The following ZNF346 variants were observed in gnomAD, a reference collection of about 807,000 sequenced individuals.
The protein encoded by ZNF346 is zinc finger protein 346.
Under a neutral mutation model 33.7 loss-of-function variants are expected in ZNF346, and 23 were observed. The ratio of observed to expected loss-of-function variants is 0.68; its 90% CI spans 0.49 to 0.97. The LOEUF (loss-of-function observed/expected upper bound fraction) is 0.97, where lower values mean the gene tolerates loss of function less well. Among genes scored for constraint, ZNF346 ranks in the 50% least tolerant of loss-of-function variants. ZNF346 has a pLI of 0.00. For missense variants in ZNF346, 340 were observed against 371.1 expected, an observed-to-expected ratio of 0.92 and a Z score of 0.69; for synonymous variants, 134 against 142.4, an observed-to-expected ratio of 0.94 and a Z score of 0.42.
intron 5 of ZNF346, among the ~76,000 whole-genome samples, chr5:177,056,089 A>AAAG (rs1179509006): frequency 6.6e-6 from 1 of 151,414 alleles, no homozygotes; most frequent in Non-Finnish European, 1.5e-5. Flanking sequence ...AAAAAAAAAA[A>AAAG]AAAAAGTTAG....
downstream of ZNF346, among the ~76,000 whole-genome samples, chr5:177,070,770 C>G (rs1783462833): frequency 6.6e-6 from 1 of 151,992 alleles, no homozygotes; most frequent in Non-Finnish European, 1.5e-5. Context: ...ATTCAGTAAT[C>G]CGGTCTGACT....
At chr5:177,036,705 A>G (rs1778566312) in intron 1 of ZNF346, among the ~76,000 whole-genome samples, 1 of 152,156 alleles carries the variant, frequency 6.6e-6, no homozygotes, top group Non-Finnish European at 1.5e-5. Context: ...CTTGGAGATC[A>G]TCATTTCCAT....
At chr5:177,029,631 A>T (rs1287857658) in intron 1 of ZNF346, among the ~76,000 whole-genome samples, 6 of 152,234 alleles carry the variant, frequency 3.9e-5, no homozygotes, top group Non-Finnish European at 8.8e-5. Flanking sequence ...AATGAAAAGA[A>T]GTAAAGTATA....
intron 1 of ZNF346, among the ~76,000 whole-genome samples, chr5:177,028,732 T>A (rs1415980802): frequency 1.8e-4 from 22 of 119,030 alleles, no homozygotes; most frequent in South Asian, 8.6e-4. Flanking sequence ...TTTTTTTTTT[T>A]TTTATGAGAT....
Position 177,028,711 on chromosome 5 carries a change from T to TC in ZNF346, c.175+5798_175+5799insC, listed in dbSNP as rs1299200021. Reference sequence around the variant, plus strand: ...TTATTTATAACAAGCCCCTTTCTTTTTTTTTTTTTTTTTTTTTTTTTTTTA... The same window carrying TC: ...TTATTTATAACAAGCCCCTTTCTTTTCTTTTTTTTTTTTTTTTTTTTTTTTA... On this transcript the variant is annotated intron_variant, in intron 1 of 6. Transcript: ENST00000358149. 4.6e-4 allele frequency among the ~76,000 whole-genome samples: 41 copies of TC among 88,818 alleles called. 1 individual carries two copies. In the East Asian group the frequency reaches 6.4e-3, roughly 14 times the overall value. The allele number at this position is 88,818 out of a possible 152,430, so 58.3% of individuals were successfully genotyped here. A position where few individuals can be genotyped will look rare whatever the true frequency, so the allele number is the denominator to read the frequency against.
chr5:177,075,270 G>C (rs900940819), intron 8 of ZNF346, among the ~76,000 whole-genome samples: 4 of 151,850 alleles, frequency 2.6e-5, no homozygotes, highest in Non-Finnish European at 5.9e-5. Flanking sequence ...GGGCATGGTG[G>C]TGGGTGCCTG....
At chr5:177,076,418 C>A (rs1391091081) in intron 8 of ZNF346, among the ~76,000 whole-genome samples, 1 of 152,194 alleles carries the variant, frequency 6.6e-6, no homozygotes, top group Non-Finnish European at 1.5e-5. Context: ...AAAGAACCTG[C>A]TAAGTCTAGT....
At position 177,022,738 on chromosome 5, in the gene ZNF346, G is replaced by C; in HGVS notation, c.-1G>C. On this transcript the variant is annotated 5_prime_UTR_variant, in exon 1 of 7. Coordinates refer to ENST00000358149, the MANE Select transcript of ZNF346 (RefSeq NM_012279.4). The stretch of plus-strand genomic sequence containing the variant: ...TCTACCGGTGAGGGTTTGCGGGGAA[G>C]ATGGAGTATCCCGCGCCGGCCACGG... 1 of 1,551,680 alleles carries C rather than the reference G, an allele frequency of 6.4e-7. No homozygotes were observed. The highest frequency in any genetic ancestry group is 8.7e-7 in the Non-Finnish European group (1 of 1,153,156).
intron 5 of ZNF346, among the ~76,000 whole-genome samples, chr5:177,055,634 CTT>C (rs1291848051): frequency 1.3e-5 from 2 of 151,704 alleles, no homozygotes; most frequent in African/African-American, 4.9e-5. Context: ...TCAGAAATAA[CTT>C]ATTGATTAAA....
At chr5:177,080,402 T>TA (rs925274309) in exon 9 of ZNF346, 4 of 152,234 alleles carry the variant, frequency 2.6e-5, no homozygotes, top group Admixed American at 2.6e-4. Context: ...GTGCTTGACA[T>TA]ACATCATCAT....
chr5:177,035,738 C>A lies in ZNF346; in HGVS notation c.176-5388C>A, dbSNP rs569073084. 8.2e-5 allele frequency among the ~76,000 whole-genome samples: 12 copies of A among 145,730 alleles called. No individual in the cohort carries two copies. In the East Asian group the frequency reaches 2.5e-3, roughly 30 times the overall value. On this transcript the variant is annotated intron_variant, in intron 1 of 6. Transcript: ENST00000358149. The stretch of plus-strand genomic sequence containing the variant: ...GCAACCTCCGCCTCCTGGGTTCAAT[C>A]GATTCTCCTGCCTCAGCCTCCCAAG...
intron 8 of ZNF346, among the ~76,000 whole-genome samples, chr5:177,073,040 T>C (rs2149719042): frequency 6.6e-6 from 1 of 152,358 alleles, no homozygotes; most frequent in South Asian, 2.1e-4. Flanking sequence ...GGCTGCCCTT[T>C]GTGTTCCCAG....
intron 2 of ZNF346, 79 bp from the exon 3 acceptor site, chr5:177,041,699 A>G: frequency 1.1e-6 from 1 of 911,376 alleles, no homozygotes; most frequent in Non-Finnish European, 1.7e-6. Flanking sequence ...ATCAGATGAA[A>G]ATCTCATAAG....
intron 1 of ZNF346, among the ~76,000 whole-genome samples, chr5:177,037,081 G>A (rs531345285): frequency 2.6e-5 from 4 of 152,318 alleles, no homozygotes; most frequent in African/African-American, 9.6e-5. Flanking sequence ...GAGTGCTGAA[G>A]TGGTTGGTTT....
At chr5:177,053,844 A>AC (rs1321855688) in intron 5 of ZNF346, among the ~76,000 whole-genome samples, 2 of 151,990 alleles carry the variant, frequency 1.3e-5, no homozygotes, top group African/African-American at 2.4e-5. Flanking sequence ...ACGTTTCAAA[A>AC]CCCCCCATGG....
rs904726030 is a variant in ZNF346, at chr5:177,035,775, C to T, written c.176-5351C>T. Among the ~76,000 whole-genome samples the T allele has an allele frequency of 3.5e-5, 5 of 144,576 alleles. No individual in the cohort carries two copies. The South Asian group carries it at 6.8e-4, about 20-fold the overall frequency. The allele number at this position is 144,576 out of a possible 152,430, so 94.8% of individuals were successfully genotyped here. ...CTCAGCCTCCCAAGTAGCTGGGACA[C>T]AGGCACCTGCCACCATGCCCTGGGG... On this transcript the variant is annotated intron_variant, in intron 1 of 6. Transcript: ENST00000358149.
chr5:177,046,499 C>G (rs1367723214), intron 4 of ZNF346, among the ~76,000 whole-genome samples: 1 of 152,082 alleles, frequency 6.6e-6, no homozygotes, highest in African/African-American at 2.4e-5. Flanking sequence ...CCCGCTTTTA[C>G]TTTTCATTTA....
rs1257743592 is a variant in ZNF346, at chr5:177,041,916, A to G, written c.372+46A>G. The G allele has an allele frequency of 3.0e-6, 4 of 1,335,910 alleles. No individual in the cohort carries two copies. The African/African-American group carries it at 5.8e-5, about 19-fold the overall frequency. 82.8% of individuals were successfully genotyped at this position (1,335,910 alleles called of 1,614,324 possible). ...AGCCCACTTGCTTCATGATGAAGCCAGCCAGCAGGTTGGTGTGGTGAACAA... is the reference window on the plus strand; with the variant it reads ...AGCCCACTTGCTTCATGATGAAGCCGGCCAGCAGGTTGGTGTGGTGAACAA... On this transcript the variant is annotated intron_variant, in intron 3 of 6. Transcript: ENST00000358149.
chr5:177,061,717 G>A (rs529042980), intron 5 of ZNF346, among the ~76,000 whole-genome samples: 62 of 152,324 alleles, frequency 4.1e-4, no homozygotes, highest in South Asian at 2.5e-3. Context: ...AGTGAAGGAC[G>A]TCCTTAATGA....
Sources: gnomAD v4.1 joint callset for allele counts (sites outside exome capture counted in the v4.1 genomes callset) on GRCh38, gnomAD v4.1.1 for gene constraint, MANE v1.5 for transcripts, NCBI Gene and HGNC (gene_info 2026-07-23, HGNC 2026-07-21) for gene names.